The following VAV3 variants were observed in gnomAD, a reference collection of about 807,000 sequenced individuals.
VAV3 encodes vav guanine nucleotide exchange factor 3.
Under a neutral mutation model 131.2 loss-of-function variants are expected in VAV3, and 94 were observed. The ratio of observed to expected loss-of-function variants is 0.72; its 90% CI spans 0.61 to 0.85. The LOEUF (loss-of-function observed/expected upper bound fraction) is 0.85, where lower values mean the gene tolerates loss of function less well. Among genes scored for constraint, VAV3 ranks in the 40% least tolerant of loss-of-function variants. The pLI, the probability that VAV3 is intolerant of heterozygous loss-of-function variation, is 0.00. For missense variants in VAV3, 939 were observed against 1,002.7 expected (o/e 0.94, Z 0.86); for synonymous variants, 349 against 342.0 (o/e 1.02, Z -0.22).
In VAV3 at chr1:107,804,986, G is replaced by T. The variant is rs546690300; in HGVS notation, c.322-25494C>A. ...GTTGGGTTTTTTTTTTGATTCCCCT[G>T]GCAGCACTTTGAAAATGTATGTTTT... On this transcript the variant is annotated intron_variant, in intron 2 of 26. Transcript: ENST00000370056. Among the ~76,000 whole-genome samples the T allele has an allele frequency of 7.8e-4, 118 of 151,966 alleles. 1 individual carries two copies. Among genetic ancestry groups the T allele is most frequent in the African/African-American group, 2.8e-3 (116 of 41,442 alleles).
chr1:107,944,928 C>A (rs896505188), intron 1 of VAV3, among the ~76,000 whole-genome samples: 6 of 152,078 alleles, frequency 3.9e-5, no homozygotes, highest in African/African-American at 1.4e-4. Context: ...TTTGAACCTG[C>A]GGAAGTTAAG....
intron 21 of VAV3, 52 bp downstream of exon 21, chr1:107,617,515 A>C: frequency 6.5e-7 from 1 of 1,534,266 alleles, no homozygotes; most frequent in Non-Finnish European, 8.9e-7. Context: ...ACAATTAATC[A>C]CAGGATCAAA....
chr1:107,588,323 T>C (rs768916119), intron 25 of VAV3, among the ~76,000 whole-genome samples: 3 of 152,178 alleles, frequency 2.0e-5, no homozygotes, highest in Non-Finnish European at 4.4e-5. Flanking sequence ...GTCCATAGAA[T>C]AGTGTGTATA....
At chr1:107,746,825 A>G (rs55913072) in intron 15 of VAV3, among the ~76,000 whole-genome samples, 23,918 of 152,000 alleles carry the variant, frequency 0.16, 2,022 homozygotes, top group South Asian at 0.26. Context: ...ACTACAAGGT[A>G]ACCACTCTTA....
chr1:107,656,240 C>T (rs556478961), intron 19 of VAV3, among the ~76,000 whole-genome samples: 1 of 152,016 alleles, frequency 6.6e-6, no homozygotes, highest in Non-Finnish European at 1.5e-5. Flanking sequence ...GAAAATGTGG[C>T]ATATATACAC....
At chr1:107,858,837 C>T (rs906429991) in intron 2 of VAV3, among the ~76,000 whole-genome samples, 1 of 152,046 alleles carries the variant, frequency 6.6e-6, no homozygotes, top group African/African-American at 2.4e-5. Context: ...AAATGAAATC[C>T]CATGGGCAAG....
chr1:107,882,902 A>G (rs1670851201), intron 1 of VAV3, among the ~76,000 whole-genome samples: 1 of 152,186 alleles, frequency 6.6e-6, no homozygotes, highest in South Asian at 2.1e-4. Flanking sequence ...TGATGCTAAT[A>G]TCACAGTAAA....
intron 1 of VAV3, among the ~76,000 whole-genome samples, chr1:107,899,723 G>T (rs551429944): frequency 3.3e-5 from 5 of 152,294 alleles, no homozygotes; most frequent in Admixed American, 1.3e-4. Flanking sequence ...TCCCGCCTGG[G>T]TATTGTTCTA....
intron 19 of VAV3, among the ~76,000 whole-genome samples, chr1:107,665,630 C>T (rs1488533762): frequency 6.6e-6 from 1 of 152,146 alleles, no homozygotes; most frequent in Non-Finnish European, 1.5e-5. Flanking sequence ...TTCATATGAT[C>T]GGTCATATGA....
rs1251564578 is a variant in VAV3 at position 107,889,271 on chromosome 1, A to G, written c.205-14254T>C. Among the ~76,000 whole-genome samples, 7 of 152,062 alleles carry G rather than the reference A, an allele frequency of 4.6e-5. No individual in the cohort carries two copies. The East Asian group carries it at 1.3e-3, about 29-fold the overall frequency. Reference sequence around the variant, plus strand: ...ACTATACAATTGGGTAGATTTTATTAAAGATGTTTGATAAAAATAGTAAAC... The same window carrying G: ...ACTATACAATTGGGTAGATTTTATTGAAGATGTTTGATAAAAATAGTAAAC... On this transcript the variant is annotated intron_variant, in intron 1 of 26. Coordinates refer to ENST00000370056, the MANE Select transcript of VAV3 (RefSeq NM_006113.5).
At chr1:107,941,502 G>C (rs1673994890) in intron 1 of VAV3, among the ~76,000 whole-genome samples, 1 of 152,086 alleles carries the variant, frequency 6.6e-6, no homozygotes, top group South Asian at 2.1e-4. Flanking sequence ...CCATTTCCGA[G>C]GCCAACATCC....
In VAV3 at chr1:107,749,611, G is replaced by T; in HGVS notation, c.1260-17C>A. 6.2e-7 allele frequency: 1 copy of T among 1,606,014 alleles called. No individual in the cohort carries two copies. The highest frequency in any genetic ancestry group is 1.1e-5 in the South Asian group (1 of 89,458). On this transcript the variant is annotated splice_polypyrimidine_tract_variant and intron_variant, in intron 13 of 26. Coordinates refer to ENST00000370056, the MANE Select transcript of VAV3 (RefSeq NM_006113.5). ...AAGATATGCCTGGGAAAAAGAGATT[G>T]ATTGATTGATTTTAAATGGTTTAGA...
chr1:107,917,601 T>C (rs1255221632), intron 1 of VAV3, among the ~76,000 whole-genome samples: 3 of 151,996 alleles, frequency 2.0e-5, no homozygotes, highest in East Asian at 1.9e-4. Flanking sequence ...AAGAAAGACA[T>C]TGAGTCTCAA....
In VAV3 at chr1:107,572,761, T is replaced by G. The variant is rs1287991296; in HGVS notation, c.*570A>C. The G allele has an allele frequency of 6.5e-6, 1 of 152,736 alleles. No homozygotes were observed. Among genetic ancestry groups the G allele is most frequent in the African/African-American group, 2.4e-5 (1 of 41,442 alleles). 9.5% of individuals were successfully genotyped at this position (152,736 alleles called of 1,614,324 possible). The stretch of plus-strand genomic sequence containing the variant: ...AGCACTGGCCTCATATTTTATAATA[T>G]CATGAGTAACATCTGAGGGTAAAAG... On this transcript the variant is annotated 3_prime_UTR_variant, in exon 27 of 27. Transcript: ENST00000370056.
rs190228485 is a variant in VAV3 at position 107,829,856 on chromosome 1, C to T, written c.321+45045G>A. 7.9e-3 allele frequency among the ~76,000 whole-genome samples: 1,199 copies of T among 152,156 alleles called. 11 individuals are homozygous for T. The highest frequency in any genetic ancestry group is 9.2e-3 in the Non-Finnish European group (624 of 68,020). On this transcript the variant is annotated intron_variant, in intron 2 of 26. Transcript: ENST00000370056. ...CTCCATATCATTTAATCAGAACAAA[C>T]AAGGAGCCTTTCATACATCCCTTTG...
At chr1:107,947,185 T>C (rs1674310936) in intron 1 of VAV3, among the ~76,000 whole-genome samples, 1 of 152,238 alleles carries the variant, frequency 6.6e-6, no homozygotes, top group Admixed American at 6.5e-5. Flanking sequence ...TCATGTGGAA[T>C]GCAGGTCTCC....
chr1:107,772,281 C>G (rs1305267330), intron 5 of VAV3, among the ~76,000 whole-genome samples: 1 of 151,976 alleles, frequency 6.6e-6, no homozygotes, highest in Non-Finnish European at 1.5e-5. Context: ...GGAGACTTAC[C>G]ATGAAACAAA....
intron 2 of VAV3, 135 bp from the exon 3 acceptor site, chr1:107,779,627 G>T: frequency 2.1e-6 from 1 of 486,242 alleles, no homozygotes; most frequent in South Asian, 5.2e-5. Flanking sequence ...TGTGCAGAAT[G>T]AGAAGGGCTG....
At chr1:107,783,611 C>CCTGAACCCAGTGAGGCCACCCA (rs1665819461) in intron 2 of VAV3, among the ~76,000 whole-genome samples, 1 of 152,176 alleles carries the variant, frequency 6.6e-6, no homozygotes, top group Non-Finnish European at 1.5e-5. Context: ...CATGTACCAT[C>CCTGAACCCAGTGAGGCCACCCA]CTGAACCCAG....
Sources: allele counts gnomAD v4.1 joint callset (sites outside exome capture counted in the v4.1 genomes callset), GRCh38; gene constraint gnomAD v4.1.1; transcripts MANE v1.5; gene names NCBI Gene and HGNC (gene_info 2026-07-23, HGNC 2026-07-21).